The following ARNT2 variants were observed in gnomAD, a reference collection of about 807,000 sequenced individuals.
ARNT2 encodes aryl hydrocarbon receptor nuclear translocator 2.
A neutral mutation model predicts 91.7 loss-of-function variants in ARNT2; 36 were observed. The ratio of observed to expected loss-of-function variants is 0.39; its 90% CI spans 0.30 to 0.52. The LOEUF is 0.52. ARNT2 is among the 20% of genes least tolerant of loss of function. ARNT2 has a pLI of 0.72. For missense variants in ARNT2, 775 were observed against 939.3 expected, an observed-to-expected ratio of 0.83 and a Z score of 2.29; for synonymous variants, 365 against 347.1, an observed-to-expected ratio of 1.05 and a Z score of -0.57.
At chr15:80,477,799 C>T (rs8023406) in intron 5 of ARNT2, among the ~76,000 whole-genome samples, 9,949 of 152,154 alleles carry the variant, frequency 0.065, 771 homozygotes, top group African/African-American at 0.18. Flanking sequence ...CTAATTTTAG[C>T]GGGGAACACA....
intron 12 of ARNT2, among the ~76,000 whole-genome samples, chr15:80,563,568 G>A (rs542581385): frequency 1.3e-5 from 2 of 152,254 alleles, no homozygotes; most frequent in South Asian, 4.1e-4. Context: ...GCTGGGCCCC[G>A]CCTTGTTGCT....
intron 8 of ARNT2, among the ~76,000 whole-genome samples, chr15:80,522,294 A>T (rs1897560516): frequency 6.6e-6 from 1 of 152,212 alleles, no homozygotes; most frequent in Admixed American, 6.5e-5. Flanking sequence ...ACAGAGCTAT[A>T]ACCTGCCTAA....
At chr15:80,534,760 G>A (rs1348157265) in intron 8 of ARNT2, among the ~76,000 whole-genome samples, 6 of 152,202 alleles carry the variant, frequency 3.9e-5, no homozygotes, top group Admixed American at 2.6e-4. Context: ...TGCAGTGGAC[G>A]TCCTCGCATT....
Position 80,412,494 on chromosome 15 carries a change from TTG to T in ARNT2, c.31+7960_31+7961del, listed in dbSNP as rs1020380721. The stretch of plus-strand genomic sequence containing the variant: ...ATCCTTACAGACTTTTTTCTAAATA[TTG>T]TGTGTGTGTGTATATATATATATAT... On this transcript the variant is annotated intron_variant, in intron 1 of 18. Coordinates refer to ENST00000303329, the MANE Select transcript of ARNT2 (RefSeq NM_014862.4). 9.0e-4 allele frequency among the ~76,000 whole-genome samples: 63 copies of T among 69,940 alleles called. 2 individuals carry two copies. The highest frequency in any genetic ancestry group is 2.7e-3 in the African/African-American group (58 of 21,290). 45.9% of individuals were successfully genotyped at this position (69,940 alleles called of 152,430 possible).
At chr15:80,512,143 G>A (rs192498572) in intron 6 of ARNT2, among the ~76,000 whole-genome samples, 29 of 152,304 alleles carry the variant, frequency 1.9e-4, no homozygotes, top group Admixed American at 1.8e-3. Context: ...ATCTTTTAAA[G>A]CAACTACACT....
At chr15:80,409,956 C>A (rs1057290008) in intron 1 of ARNT2, among the ~76,000 whole-genome samples, 1 of 152,134 alleles carries the variant, frequency 6.6e-6, no homozygotes, top group Non-Finnish European at 1.5e-5. Flanking sequence ...GCGGTAGAGG[C>A]CAGCTCACGG....
intron 8 of ARNT2, among the ~76,000 whole-genome samples, chr15:80,533,851 T>C (rs900449400): frequency 6.6e-6 from 1 of 152,246 alleles, no homozygotes; most frequent in African/African-American, 2.4e-5. Context: ...TCTTTACTGA[T>C]GAGGCCCCAA....
intron 12 of ARNT2, among the ~76,000 whole-genome samples, chr15:80,568,767 G>A (rs571951142): frequency 2.6e-5 from 4 of 152,218 alleles, no homozygotes; most frequent in Non-Finnish European, 5.9e-5. Flanking sequence ...TTCTACCTGC[G>A]ATTCTCTCTA....
rs1893345417 is a variant in ARNT2 at position 80,594,773 on chromosome 15, G to A, written c.*1075G>A. On this transcript the variant is annotated 3_prime_UTR_variant, in exon 19 of 19. Transcript: ENST00000303329. ...AGAGGCCTGGCCCTTCTTTACAGATGTAGATAGCAGGGTAGGACGCCCAGG... is the reference window on the plus strand; with the variant it reads ...AGAGGCCTGGCCCTTCTTTACAGATATAGATAGCAGGGTAGGACGCCCAGG... The A allele has an allele frequency of 6.6e-6, 1 of 152,294 alleles. No homozygotes were observed. The highest frequency in any genetic ancestry group is 1.5e-5 in the Non-Finnish European group (1 of 68,084). The allele number at this position is 152,294 out of a possible 1,614,324, so 9.4% of individuals were successfully genotyped here. A position where few individuals can be genotyped will look rare whatever the true frequency, so the allele number is the denominator to read the frequency against.
chr15:80,505,998 G>C (rs367653655), intron 5 of ARNT2, among the ~76,000 whole-genome samples: 8 of 139,800 alleles, frequency 5.7e-5, no homozygotes, highest in Non-Finnish European at 4.5e-5. Flanking sequence ...CCGCAGTGGC[G>C]CAATCTCGGC....
At chr15:80,586,196 C>T (rs951944243) in intron 17 of ARNT2, among the ~76,000 whole-genome samples, 2 of 152,112 alleles carry the variant, frequency 1.3e-5, no homozygotes, top group African/African-American at 4.8e-5. Flanking sequence ...CTGTAGCAGA[C>T]CAGGTTTCAA....
chr15:80,518,927 G>GT lies in ARNT2; in HGVS notation c.877+4522_877+4523insT, dbSNP rs565470407. 5.0e-3 allele frequency among the ~76,000 whole-genome samples: 762 copies of GT among 152,176 alleles called. 7 individuals are homozygous for GT. The highest frequency in any genetic ancestry group is 0.018 in the African/African-American group (736 of 41,502). On this transcript the variant is annotated intron_variant, in intron 8 of 18. Coordinates refer to ENST00000303329, the MANE Select transcript of ARNT2 (RefSeq NM_014862.4). The stretch of plus-strand genomic sequence containing the variant: ...TTTTTATCTCCCCCTACCAGAGATT[G>GT]GGGGGGTGATTTTTCTTGGTTTTTC...
At chr15:80,441,390 A>T (rs1404345468) in intron 1 of ARNT2, 1 of 984,814 alleles carries the variant, frequency 1.0e-6, no homozygotes, top group Non-Finnish European at 1.2e-6. Context: ...TAGGGCTGTG[A>T]TATTTGATGT....
chr15:80,578,253 A>C (rs899600783), intron 15 of ARNT2, among the ~76,000 whole-genome samples: 1 of 152,150 alleles, frequency 6.6e-6, no homozygotes, highest in Non-Finnish European at 1.5e-5. Context: ...TGACCGGAGA[A>C]GGTCTGGCTG....
chr15:80,583,249 C>T (rs1406082301), intron 17 of ARNT2, among the ~76,000 whole-genome samples: 2 of 152,216 alleles, frequency 1.3e-5, no homozygotes, highest in African/African-American at 2.4e-5. Flanking sequence ...AGAGAGGCTT[C>T]GGAGCAGAGC....
rs79291565 is a variant in ARNT2, at chr15:80,419,069, C to T, written c.31+14523C>T. ...ACTGGAAACAAACCATTTTCTAGAA[C>T]GCAGGATCTGTTAGGTCTGTCTGCC... On this transcript the variant is annotated intron_variant, in intron 1 of 18. Coordinates refer to ENST00000303329, the MANE Select transcript of ARNT2 (RefSeq NM_014862.4). 1.3e-3 allele frequency among the ~76,000 whole-genome samples: 191 copies of T among 152,190 alleles called. 1 individual carries two copies. The highest frequency in any genetic ancestry group is 5.0e-3 in the East Asian group (26 of 5,182).
chr15:80,580,414 T>C lies in ARNT2; in HGVS notation c.1617T>C (p.Ser539=), dbSNP rs547444098. 5 of 1,614,160 alleles carry C rather than the reference T, an allele frequency of 3.1e-6. No individual in the cohort carries two copies. The East Asian group carries it at 1.1e-4, about 36-fold the overall frequency. Reference sequence around the variant, plus strand: ...AATGCATTTTCCTCTTTTCTAGCTCTTCAGTGGTTCATGTGCCTGGAGTGA... The same window carrying C: ...AATGCATTTTCCTCTTTTCTAGCTCCTCAGTGGTTCATGTGCCTGGAGTGA... ...PSGHSGKAFS[S]SVVHVPGVND... The change falls in exon 16 of 19, where the codon TCT becomes TCC. Residue 539 remains serine (S), a synonymous_variant. Transcript: ENST00000303329.
chr15:80,480,205 G>C (rs1896864876), intron 5 of ARNT2, among the ~76,000 whole-genome samples: 1 of 152,166 alleles, frequency 6.6e-6, no homozygotes, highest in South Asian at 2.1e-4. Flanking sequence ...CTAAGCCCCA[G>C]CTCTCTGCAG....
In ARNT2 at chr15:80,575,053, ATCT is replaced by A; in HGVS notation, c.1460_1462del (p.Phe487del). On this transcript the variant is annotated inframe_deletion, in exon 14 of 19. Coordinates refer to ENST00000303329, the MANE Select transcript of ARNT2 (RefSeq NM_014862.4). ...GAAGTCCGTGGAAAAGGCGGATGCA[ATCT>A]TCTCCCAGGAAAGAGATCCTCGGTT... 1 of 1,614,196 alleles carries A rather than the reference ATCT, an allele frequency of 6.2e-7. No individual in the cohort carries two copies. Among genetic ancestry groups the A allele is most frequent in the Non-Finnish European group, 8.5e-7 (1 of 1,180,034 alleles).
Sources: gnomAD v4.1 joint callset for allele counts (sites outside exome capture counted in the v4.1 genomes callset) on GRCh38, gnomAD v4.1.1 for gene constraint, MANE v1.5 for transcripts, NCBI Gene and HGNC (gene_info 2026-07-23, HGNC 2026-07-21) for gene names.